CCDC112: variants seen among roughly 807,000 people sequenced by gnomAD.
The protein encoded by CCDC112 is coiled-coil domain containing 112, also known as coiled-coil domain-containing protein 112.
In CCDC112, 40 loss-of-function variants were observed where a neutral mutation model predicts 66.3. That is an observed-to-expected ratio of 0.60 (90% CI 0.47 to 0.79). CCDC112 has a LOEUF of 0.79. Ranked by LOEUF, CCDC112 falls within the 30% of genes least tolerant of loss-of-function variation. CCDC112 has a pLI of 0.00. For synonymous variants in CCDC112, 214 were observed against 197.2 expected, an observed-to-expected ratio of 1.09 and a Z score of -0.71; for missense variants, 659 against 603.8, an observed-to-expected ratio of 1.09 and a Z score of -0.96.
At chr5:115,285,913 C>A (rs532420872) in intron 1 of CCDC112, among the ~76,000 whole-genome samples, 1 of 152,218 alleles carries the variant, frequency 6.6e-6, no homozygotes, top group South Asian at 2.1e-4. Flanking sequence ...TTGGAGGTAT[C>A]ACCCAGAGGG....
chr5:115,280,641 C>T (rs1381035071), intron 2 of CCDC112, among the ~76,000 whole-genome samples: 8 of 151,898 alleles, frequency 5.3e-5, no homozygotes. Context: ...CAGCCTTGAC[C>T]TCCCTGGCTC....
At position 115,275,565 on chromosome 5, in the gene CCDC112, T is replaced by A; in HGVS notation, c.569A>T (p.Glu190Val). 6.2e-7 allele frequency: 1 copy of A among 1,604,916 alleles called. No individual in the cohort carries two copies. Among genetic ancestry groups the A allele is most frequent in the Non-Finnish European group, 8.5e-7 (1 of 1,174,468 alleles). Residue 190 changes from glutamate to valine, a missense_variant, in exon 6 of 10, where the codon GAG (glutamate) becomes GTG (valine). Glu to Val is a moderately radical substitution (Grantham distance 121). Transcript: ENST00000379611. The stretch of plus-strand genomic sequence containing the variant: ...AATTTTTCTTGATATGGCACTCAAC[T>A]CATTATTAGTTGTCTTCTCTTCTTT... The part of the protein sequence containing the change: ...LIKEEKTTNN[E>V]LSAISRKIDT...
intron 8 of CCDC112, among the ~76,000 whole-genome samples, chr5:115,269,216 T>G (rs143559177): frequency 1.3e-4 from 20 of 152,330 alleles, no homozygotes; most frequent in African/African-American, 4.6e-4. Context: ...TTCTTTTAGT[T>G]CTATTATTTT....
intron 7 of CCDC112, 90 bp from the exon 8 acceptor site, chr5:115,269,888 T>C: frequency 1.4e-6 from 1 of 698,362 alleles, no homozygotes; most frequent in East Asian, 2.8e-5. Flanking sequence ...TAAATTACCT[T>C]ACCTATCAAT....
Position 115,268,909 on chromosome 5 carries a change from G to C in CCDC112, c.1520C>G (p.Ser507Cys), listed in dbSNP as rs1248570091. 9 of 1,603,990 alleles carry C rather than the reference G, an allele frequency of 5.6e-6. No homozygotes were observed. The highest frequency in any genetic ancestry group is 1.7e-4 in the Middle Eastern group (1 of 6,028). Reference protein sequence around the residue: ...ERTKKIGPTGSGPLLHIPHRA... With the variant: ...ERTKKIGPTGCGPLLHIPHRA... Reference sequence around the variant, plus strand: ...ATGTGGGATATGTAGAAGTGGCCCAGAGCCTGTTGGTCCTATCTTTTTGGT... The same window carrying C: ...ATGTGGGATATGTAGAAGTGGCCCACAGCCTGTTGGTCCTATCTTTTTGGT... Residue 507 changes from serine (S) to cysteine (C), a missense_variant, in exon 9 of 10, where the codon TCT (serine) becomes TGT (cysteine). Transcript: ENST00000379611.
At position 115,282,990 on chromosome 5, in the gene CCDC112, C is replaced by A. The variant is rs549963687; in HGVS notation, c.239+1797G>T. ...AGCCTTCTCAGAACTGTAAAACACA[C>A]TGGTTGCTGCATCTATGGATATTAA... On this transcript the variant is annotated intron_variant, in intron 2 of 9. Transcript: ENST00000379611. 6.6e-5 allele frequency among the ~76,000 whole-genome samples: 10 copies of A among 152,208 alleles called. No homozygotes were observed. In the South Asian group the frequency reaches 2.1e-3, roughly 31 times the overall value.
intron 1 of CCDC112, among the ~76,000 whole-genome samples, chr5:115,287,031 T>A (rs1225208602): frequency 6.6e-6 from 1 of 152,216 alleles, no homozygotes; most frequent in Non-Finnish European, 1.5e-5. Context: ...CCCCCCATTC[T>A]CTGAGTTGTC....
At chr5:115,267,974 A>C in intron 9 of CCDC112, 56 bp from the exon 10 acceptor site, 1 of 1,372,980 alleles carries the variant, frequency 7.3e-7, no homozygotes. Flanking sequence ...AAAAGAAAAA[A>C]ACCCTATCTG....
intron 7 of CCDC112, 132 bp downstream of exon 7, chr5:115,271,081 C>G: frequency 1.3e-6 from 1 of 744,928 alleles, no homozygotes; most frequent in Non-Finnish European, 2.1e-6. Context: ...GGGAGCACGG[C>G]TTACTCATTT....
chr5:115,267,809 G>C lies in CCDC112; in HGVS notation c.*67C>G. 3 of 1,210,328 alleles carry C rather than the reference G, an allele frequency of 2.5e-6. No homozygotes were observed. Among genetic ancestry groups the C allele is most frequent in the Non-Finnish European group, 3.7e-6 (3 of 813,636 alleles). 75.0% of individuals were successfully genotyped at this position (1,210,328 alleles called of 1,614,324 possible). The stretch of plus-strand genomic sequence containing the variant: ...TATTGATATTTAAAGAATGTGGTTA[G>C]TCACTCTCTCCCTGGTATAACTTAG... On this transcript the variant is annotated 3_prime_UTR_variant, in exon 10 of 10. Coordinates refer to ENST00000379611, the MANE Select transcript of CCDC112 (RefSeq NM_001040440.3).
rs755955708 is a variant in CCDC112, at chr5:115,284,874, C to T, written c.152G>A (p.Arg51His). The change falls in exon 2 of 10, where the codon CGT (arginine) becomes CAT (histidine). Residue 51 changes from arginine (R) to histidine (H), a missense_variant. Coordinates refer to ENST00000379611, the MANE Select transcript of CCDC112 (RefSeq NM_001040440.3). ...DGCFSTSGGI[R>H]PFHLQNWKQK... ...CTTCCAGTTCTGAAGATGAAAAGGA[C>T]GAATTCCACCTGAAGTACTAAAACA... 11 of 1,612,504 alleles carry T rather than the reference C, an allele frequency of 6.8e-6. No homozygotes were observed. Among genetic ancestry groups the T allele is most frequent in the South Asian group, 2.2e-5 (2 of 90,934 alleles).
chr5:115,276,803 G>A (rs1039723461), intron 4 of CCDC112, among the ~76,000 whole-genome samples, 162 bp downstream of exon 4: 5 of 152,072 alleles, frequency 3.3e-5, no homozygotes, highest in African/African-American at 1.2e-4. Flanking sequence ...AACTGATAGA[G>A]TTTAGCTCCA....
Position 115,271,599 on chromosome 5 carries a change from G to T in CCDC112, c.946C>A (p.Gln316Lys). The T allele has an allele frequency of 1.3e-6, 2 of 1,530,654 alleles. No homozygotes were observed. Among genetic ancestry groups the T allele is most frequent in the Non-Finnish European group, 1.7e-6 (2 of 1,146,610 alleles). The allele number at this position is 1,530,654 out of a possible 1,614,324, so 94.8% of individuals were successfully genotyped here. The change falls in exon 7 of 10, where the codon CAG becomes AAG. Residue 316 changes from glutamine to lysine, a missense_variant. Gln to Lys is a moderately conservative substitution (Grantham distance 53, BLOSUM62 1). Coordinates refer to ENST00000379611, the MANE Select transcript of CCDC112 (RefSeq NM_001040440.3). ...ESIQIWKTKK[Q>K]QKREEIFKLK... ...TTGAAAATTTCCTCCCTTTTTTGCT[G>T]CTTTTTAGTTTTCCAAATCTGAATT...
chr5:115,280,870 T>C (rs1307211265), intron 2 of CCDC112, among the ~76,000 whole-genome samples: 3 of 152,080 alleles, frequency 2.0e-5, no homozygotes, highest in Admixed American at 1.3e-4. Context: ...TGTTTCTTTC[T>C]CCCAGGTGGA....
At chr5:115,294,708 G>A (rs1418522575) in intron 1 of CCDC112, among the ~76,000 whole-genome samples, 2 of 152,212 alleles carry the variant, frequency 1.3e-5, no homozygotes, top group African/African-American at 2.4e-5. Flanking sequence ...AGGAATATTC[G>A]TTCATTTAAT....
At position 115,289,652 on chromosome 5, in the gene CCDC112, A is replaced by T. The variant is rs193093595; in HGVS notation, c.118-4744T>A. 1.2e-4 allele frequency among the ~76,000 whole-genome samples: 19 copies of T among 152,240 alleles called. 1 individual carries two copies. In the East Asian group the frequency reaches 3.5e-3, roughly 28 times the overall value. On this transcript the variant is annotated intron_variant, in intron 1 of 9. Transcript: ENST00000379611. ...GTTCAACATGTATTTTAGATGTAAGACCCTTATCAACATATAATTTGCAAG... is the reference window on the plus strand; with the variant it reads ...GTTCAACATGTATTTTAGATGTAAGTCCCTTATCAACATATAATTTGCAAG...
intron 1 of CCDC112, among the ~76,000 whole-genome samples, chr5:115,287,842 T>C (rs1427195810): frequency 6.6e-6 from 1 of 151,756 alleles, no homozygotes; most frequent in East Asian, 1.9e-4. Context: ...TCAACTCCAA[T>C]CTGCTTTTTT....
At position 115,267,870 on chromosome 5, in the gene CCDC112, A is replaced by T. The variant is rs1382802451; in HGVS notation, c.*6T>A. On this transcript the variant is annotated 3_prime_UTR_variant, in exon 10 of 10. Transcript: ENST00000379611. ...TTCTTATCAACTGAGTAGCAATTTG[A>T]TTATCTCATACTCTTCTCTGTATTC... 1.9e-6 allele frequency: 3 copies of T among 1,608,990 alleles called. No individual in the cohort carries two copies. The highest frequency in any genetic ancestry group is 1.3e-5 in the African/African-American group (1 of 74,814).
chr5:115,292,042 T>C (rs543078592), intron 1 of CCDC112, among the ~76,000 whole-genome samples: 1 of 152,212 alleles, frequency 6.6e-6, no homozygotes, highest in Non-Finnish European at 1.5e-5. Flanking sequence ...ATGTTTTTCA[T>C]CAAATTTGGG....
Sources: allele counts gnomAD v4.1 joint callset (sites outside exome capture counted in the v4.1 genomes callset), GRCh38; gene constraint gnomAD v4.1.1; transcripts MANE v1.5; gene names NCBI Gene and HGNC (gene_info 2026-07-23, HGNC 2026-07-21).